Variants in NR4A2 observed in about 807,000 individuals in gnomAD.
NR4A2 encodes the protein nuclear receptor subfamily 4 group A member 2.
NR4A2 carries 1 observed loss-of-function variant against 50.5 expected under a neutral mutation model. The ratio of observed to expected loss-of-function variants is 0.02; its 90% confidence interval spans 0.01 to 0.09. The LOEUF is 0.09. Among genes scored for constraint, NR4A2 ranks in the 10% least tolerant of loss-of-function variants. The probability of loss-of-function intolerance (pLI) is 1.00; values close to 1 mark genes in which losing one functional copy is unlikely to be tolerated. For missense variants in NR4A2, 613 were observed against 777.3 expected, an observed-to-expected ratio of 0.79 and a Z score of 2.51; for synonymous variants, 328 against 309.4, an observed-to-expected ratio of 1.06 and a Z score of -0.63.
At position 156,327,372 on chromosome 2, in the gene NR4A2, C is replaced by T. The variant is rs139331706; in HGVS notation, c.1159-452G>A. Among the ~76,000 whole-genome samples, 757 of 152,352 alleles carry T rather than the reference C, an allele frequency of 5.0e-3. 10 individuals are homozygous for T. Among genetic ancestry groups the T allele is most frequent in the Non-Finnish European group, 8.7e-3 (593 of 68,046 alleles). On this transcript the variant is annotated intron_variant, in intron 5 of 7. Coordinates refer to ENST00000339562, the MANE Select transcript of NR4A2 (RefSeq NM_006186.4). ...TCTGACCACTTGATCCCCCACCCCA[C>T]TGGCATTCTTTACACCCTCTCCTTC...
chr2:156,327,479 A>G (rs1686700971), intron 5 of NR4A2, among the ~76,000 whole-genome samples: 4 of 152,102 alleles, frequency 2.6e-5, no homozygotes, highest in East Asian at 1.9e-4. Context: ...ATCTATCTCT[A>G]TGGAGGACTG....
In NR4A2 at chr2:156,329,626, C is replaced by A; in HGVS notation, c.561G>T (p.Val187=). The A allele has an allele frequency of 1.2e-6, 2 of 1,612,916 alleles. No individual in the cohort carries two copies. The highest frequency in any genetic ancestry group is 1.1e-5 in the South Asian group (1 of 91,014). The change falls in exon 3 of 8, where the codon GTG becomes GTT. Residue 187 remains valine (V), a synonymous_variant. Transcript: ENST00000339562. The surrounding 1 kb of genome is among the most constrained non-coding windows in gnomAD (Gnocchi z 7.5). ...CGTCGAAGCGCATCTGGCAACTAGA[C>A]ACCGGGGTGCCAGGGGGCGATTGCT... ...SFKQSPPGTP[V]SSCQMRFDGP...
chr2:156,329,361 C>A lies in NR4A2; in HGVS notation c.826G>T (p.Gly276Cys). The change falls in exon 3 of 8, where the codon GGC becomes TGC. Residue 276 changes from glycine to cysteine, a missense_variant. By Grantham distance (159) the Gly-to-Cys change is radical. This residue lies in a region of NR4A2 where 27 missense variants were observed against 120.7 expected (regional missense o/e 0.22). Transcript: ENST00000339562. This position sits in a 1 kb window ranked among gnomAD's most constrained non-coding sequence, Gnocchi z 7.5. ...TTGCAGCCCTCACAGGTGCGCACGC[C>A]GTAGTGTTGGCAGGCCGCGTTGTCC... ...CGDNAACQHY[G>C]VRTCEGCKGF... 6.2e-7 allele frequency: 1 copy of A among 1,612,698 alleles called. No individual in the cohort carries two copies. The highest frequency in any genetic ancestry group is 8.5e-7 in the Non-Finnish European group (1 of 1,179,614).
chr2:156,327,488 T>C (rs1686701465), intron 5 of NR4A2, among the ~76,000 whole-genome samples: 1 of 152,050 alleles, frequency 6.6e-6, no homozygotes, highest in Non-Finnish European at 1.5e-5. Flanking sequence ...TATGGAGGAC[T>C]GGGAATAAAG....
Position 156,328,103 on chromosome 2 carries a change from G to A in NR4A2, c.995-89C>T, listed in dbSNP as rs1185002003. ...CCTCCCCGGGGAAGGCCGCAGCCGC[G>A]GGGCACCAGGCTGAGCGGCTGAGGG... On this transcript the variant is annotated intron_variant, in intron 4 of 7. Transcript: ENST00000339562. The surrounding 1 kb of genome is among the most constrained non-coding windows in gnomAD (Gnocchi z 4.9). The A allele has an allele frequency of 6.5e-7, 1 of 1,527,186 alleles. No homozygotes were observed. Among genetic ancestry groups the A allele is most frequent in the African/African-American group, 1.4e-5 (1 of 72,642 alleles). 94.6% of individuals were successfully genotyped at this position (1,527,186 alleles called of 1,614,324 possible).
chr2:156,326,626 A>G lies in NR4A2; in HGVS notation c.1361+92T>C. On this transcript the variant is annotated intron_variant, in intron 6 of 7. Coordinates refer to ENST00000339562, the MANE Select transcript of NR4A2 (RefSeq NM_006186.4). The surrounding 1 kb of genome is among the most constrained non-coding windows in gnomAD (Gnocchi z 4.2). ...CATTTCCTATTCTGTCTTTTTCTCT[A>G]CCCCACCCTCTGGTTTCCCTTCCTC... 1 of 1,356,002 alleles carries G rather than the reference A, an allele frequency of 7.4e-7. No individual in the cohort carries two copies. Among genetic ancestry groups the G allele is most frequent in the Non-Finnish European group, 1.0e-6 (1 of 955,098 alleles). The allele number at this position is 1,356,002 out of a possible 1,614,324, so 84.0% of individuals were successfully genotyped here. A position where few individuals can be genotyped will look rare whatever the true frequency, so the allele number is the denominator to read the frequency against.
chr2:156,330,516 C>T (rs1185788224), intron 2 of NR4A2, among the ~76,000 whole-genome samples, 152 bp downstream of exon 2: 2 of 152,126 alleles, frequency 1.3e-5, no homozygotes, highest in African/African-American at 4.8e-5. Flanking sequence ...CTAGAAATGA[C>T]CATCTAGAAA....
chr2:156,329,486 C>T lies in NR4A2; in HGVS notation c.701G>A (p.Gly234Asp). 3 of 1,605,958 alleles carry T rather than the reference C, an allele frequency of 1.9e-6. No individual in the cohort carries two copies. The highest frequency in any genetic ancestry group is 2.5e-6 in the Non-Finnish European group (3 of 1,177,220). Residue 234 changes from glycine to aspartate, a missense_variant, in exon 3 of 8, where the codon GGC (glycine) becomes GAC (aspartate). Gly to Asp is a moderately conservative substitution (Grantham distance 94). Around this residue, in one of 4 missense-constraint regions of NR4A2, gnomAD observed 275 missense variants for 248.9 expected, o/e 1.10. Coordinates refer to ENST00000339562, the MANE Select transcript of NR4A2 (RefSeq NM_006186.4). The surrounding 1 kb of genome is among the most constrained non-coding windows in gnomAD (Gnocchi z 7.5). ...CTGAGACGCGTGGCCGATCTGCAGG[C>T]CCGGGAAGCCCATGGACGCGGGCTT... is the stretch of plus-strand genomic sequence containing the variant. Reference protein sequence around the residue: ...IRKPASMGFPGLQIGHASQLL... With the variant: ...IRKPASMGFPDLQIGHASQLL...
chr2:156,331,332 G>A (rs905739048), intron 1 of NR4A2, among the ~76,000 whole-genome samples: 2 of 152,176 alleles, frequency 1.3e-5, no homozygotes, highest in African/African-American at 4.8e-5. Flanking sequence ...GGAAGCATCC[G>A]CACTTCTAAA....
intron 5 of NR4A2, 89 bp downstream of exon 5, chr2:156,327,762 T>C (rs1204792548): frequency 6.0e-6 from 9 of 1,497,540 alleles, no homozygotes; most frequent in Admixed American, 3.9e-5. Context: ...TTTACCCCCG[T>C]TGAATCTGAG....
chr2:156,332,604 CGGAG>C lies in NR4A2; in HGVS notation c.-255_-252del. On this transcript the variant is annotated 5_prime_UTR_variant, in exon 1 of 8. Coordinates refer to ENST00000339562, the MANE Select transcript of NR4A2 (RefSeq NM_006186.4). The stretch of plus-strand genomic sequence containing the variant: ...GGGCGAAGGGAACCCGGACACCTCA[CGGAG>C]GGAGGGAGCAGGGACAGGCGGCCGG... 1 of 780,692 alleles carries C rather than the reference CGGAG, an allele frequency of 1.3e-6. No homozygotes were observed. Among genetic ancestry groups the C allele is most frequent in the Non-Finnish European group, 1.9e-6 (1 of 525,944 alleles). 48.4% of individuals were successfully genotyped at this position (780,692 alleles called of 1,614,324 possible).
rs888119648 is a variant in NR4A2, at chr2:156,325,120, G to C, written c.*624C>G. On this transcript the variant is annotated 3_prime_UTR_variant, in exon 8 of 8. Coordinates refer to ENST00000339562, the MANE Select transcript of NR4A2 (RefSeq NM_006186.4). ...TTTTTGCAAACACACTTATCTTTTA[G>C]AATTTGTAATATTTATTCATAAATA... The C allele has an allele frequency of 6.6e-6, 1 of 152,434 alleles. No homozygotes were observed. The highest frequency in any genetic ancestry group is 1.5e-5 in the Non-Finnish European group (1 of 68,180). 9.4% of individuals were successfully genotyped at this position (152,434 alleles called of 1,614,324 possible). A position where few individuals can be genotyped will look rare whatever the true frequency, so the allele number is the denominator to read the frequency against.
At chr2:156,327,784 G>A in intron 5 of NR4A2, 67 bp downstream of exon 5, 1 of 1,532,658 alleles carries the variant, frequency 6.5e-7, no homozygotes, top group African/African-American at 1.4e-5. Flanking sequence ...GTTAATGACG[G>A]ATGTGGGGAG....
At position 156,324,970 on chromosome 2, in the gene NR4A2, A is replaced by G. The variant is rs1686575312; in HGVS notation, c.*774T>C. 6.6e-6 allele frequency: 1 copy of G among 152,660 alleles called. No homozygotes were observed. The highest frequency in any genetic ancestry group is 1.5e-5 in the Non-Finnish European group (1 of 68,034). The allele number at this position is 152,660 out of a possible 1,614,324, so 9.5% of individuals were successfully genotyped here. A position where few individuals can be genotyped will look rare whatever the true frequency, so the allele number is the denominator to read the frequency against. On this transcript the variant is annotated 3_prime_UTR_variant, in exon 8 of 8. Transcript: ENST00000339562. ...TAACTACCAATCTTTATAAAATCTA[A>G]CAGACTACATAGTGTCTGAAATACT...
chr2:156,325,795 C>T lies in NR4A2; in HGVS notation c.1746G>A (p.Val582=), dbSNP rs886054976. ...RIFYLKLEDL[V]PPPAIIDKLF... The stretch of plus-strand genomic sequence containing the variant: ...GTTTGTCAATTATTGCTGGCGGTGG[C>T]ACCAAGTCTTCCAATTTCAGGTAGA... The change falls in exon 8 of 8, where the codon GTG becomes GTA. Residue 582 remains valine (V), a synonymous_variant. Coordinates refer to ENST00000339562, the MANE Select transcript of NR4A2 (RefSeq NM_006186.4). The T allele has an allele frequency of 9.9e-6, 16 of 1,614,050 alleles. No individual in the cohort carries two copies. Among genetic ancestry groups the T allele is most frequent in the African/African-American group, 1.3e-5 (1 of 74,890 alleles).
Position 156,326,573 on chromosome 2 carries a change from C to T in NR4A2, c.1361+145G>A, listed in dbSNP as rs529569146. 5.6e-6 allele frequency: 6 copies of T among 1,079,542 alleles called. No individual in the cohort carries two copies. In the Admixed American group the frequency reaches 1.0e-4, roughly 19 times the overall value. The allele number at this position is 1,079,542 out of a possible 1,614,324, so 66.9% of individuals were successfully genotyped here. On this transcript the variant is annotated intron_variant, in intron 6 of 7. Coordinates refer to ENST00000339562, the MANE Select transcript of NR4A2 (RefSeq NM_006186.4). The surrounding 1 kb of genome is among the most constrained non-coding windows in gnomAD (Gnocchi z 4.2). ...GCTTCTTCTCGTCTTTTTTTGTTTT[C>T]TTTCTTTTTCTTCCTTTCTCCGACT...
chr2:156,332,263 G>A (rs1686965627), intron 1 of NR4A2, among the ~76,000 whole-genome samples: 1 of 152,244 alleles, frequency 6.6e-6, no homozygotes, highest in Middle Eastern at 3.4e-3. Context: ...GGAAACCTCT[G>A]TCGAGAGCCA....
intron 5 of NR4A2, 105 bp from the exon 6 acceptor site, chr2:156,327,025 T>G: frequency 1.0e-6 from 1 of 1,004,040 alleles, no homozygotes; most frequent in Admixed American, 1.9e-5. Flanking sequence ...TTATAACAAT[T>G]AAACCTCTCT....
Position 156,329,386 on chromosome 2 carries a change from C to G in NR4A2, c.801G>C (p.Gly267=). The G allele has an allele frequency of 1.9e-6, 3 of 1,612,216 alleles. No individual in the cohort carries two copies. The highest frequency in any genetic ancestry group is 2.5e-6 in the Non-Finnish European group (3 of 1,179,628). The change falls in exon 3 of 8, where the codon GGG becomes GGC. Residue 267 remains glycine, a synonymous_variant. Coordinates refer to ENST00000339562, the MANE Select transcript of NR4A2 (RefSeq NM_006186.4). The surrounding 1 kb of genome is among the most constrained non-coding windows in gnomAD (Gnocchi z 7.5). ...CGTAGTGTTGGCAGGCCGCGTTGTC[C>G]CCACACACAGCGCACAGCCCCTCGT... ...PSNEGLCAVC[G]DNAACQHYGV... is the part of the protein sequence containing the mutation.
Sources: gnomAD v4.1 joint callset for allele counts (sites outside exome capture counted in the v4.1 genomes callset) on GRCh38, gnomAD v4.1.1 for gene constraint, gnomAD v4.1.1 regional missense constraint, Gnocchi (gnomAD v3.1) non-coding constraint, MANE v1.5 for transcripts, NCBI Gene and HGNC (gene_info 2026-07-23, HGNC 2026-07-21) for gene names.